DPP10: variants seen among roughly 807,000 people sequenced by gnomAD.
The protein encoded by DPP10 is inactive dipeptidyl peptidase 10.
Under a neutral mutation model 120.9 loss-of-function variants are expected in DPP10, and 33 were observed. The ratio of observed to expected loss-of-function variants is 0.27; its 90% CI spans 0.21 to 0.37. DPP10 has a LOEUF of 0.37. Among genes scored for constraint, DPP10 ranks in the 10% least tolerant of loss-of-function variants. The pLI is 1.00. For synonymous variants in DPP10, 337 were observed against 326.1 expected (o/e 1.03, Z -0.36); for missense variants, 816 against 942.8 (o/e 0.87, Z 1.76).
chr2:114,742,328 A>G (rs568151488), intron 1 of DPP10, among the ~76,000 whole-genome samples: 2 of 152,324 alleles, frequency 1.3e-5, no homozygotes, highest in East Asian at 3.9e-4. Flanking sequence ...AAAAGGAAAA[A>G]GAAAAGGAGA....
At chr2:115,437,345 G>T (rs536006412) in intron 3 of DPP10, among the ~76,000 whole-genome samples, 8 of 152,088 alleles carry the variant, frequency 5.3e-5, no homozygotes, top group Non-Finnish European at 8.8e-5. Context: ...AAATATATTT[G>T]CCTATTTCTA....
chr2:115,573,581 C>CTT (rs767336910), intron 5 of DPP10, among the ~76,000 whole-genome samples: 1,313 of 70,302 alleles, frequency 0.019, 23 homozygotes, highest in Non-Finnish European at 0.024. Context: ...TGCGCCCGGC[C>CTT]TTTTTTTTTT....
chr2:115,687,346 T>C lies in DPP10; in HGVS notation c.442-2341T>C, dbSNP rs370123785. On this transcript the variant is annotated intron_variant, in intron 5 of 25. Transcript: ENST00000410059. ...TTATTGAAAGTTAAAAAACAGGAAGTATTTGAGATCTGCTGGGAACACACA... is the reference window on the plus strand; with the variant it reads ...TTATTGAAAGTTAAAAAACAGGAAGCATTTGAGATCTGCTGGGAACACACA... Among the ~76,000 whole-genome samples the C allele has an allele frequency of 7.2e-5, 11 of 152,184 alleles. No individual in the cohort carries two copies. In the East Asian group the frequency reaches 1.2e-3, roughly 16 times the overall value.
intron 1 of DPP10, among the ~76,000 whole-genome samples, chr2:114,545,942 T>C (rs1687358480): frequency 6.6e-6 from 1 of 152,230 alleles, no homozygotes; most frequent in Non-Finnish European, 1.5e-5. Flanking sequence ...GTGCCTTGAA[T>C]TGTGTATGAA....
At chr2:114,449,671 C>A (rs976259261) in intron 1 of DPP10, among the ~76,000 whole-genome samples, 6 of 151,930 alleles carry the variant, frequency 3.9e-5, no homozygotes, top group Non-Finnish European at 8.8e-5. Context: ...ATTTCTCCCC[C>A]ACTAACAGAA....
rs535879747 is a variant in DPP10, at chr2:115,343,832, C to T, written c.191C>T (p.Ser64Leu). The change falls in exon 3 of 26, where the codon TCG (serine) becomes TTG (leucine). Residue 64 changes from serine (S) to leucine (L), a missense_variant. Physicochemically the swap from Ser to Leu is moderately radical, Grantham distance 145. Transcript: ENST00000410059. ...ILLTPDELTN[S>L]SETRLSLEDL... Reference sequence around the variant, plus strand: ...TTTATTTTAGATGAACTCACAAATTCGTCAGAAACCAGATTGTCTTTGGAA... The same window carrying T: ...TTTATTTTAGATGAACTCACAAATTTGTCAGAAACCAGATTGTCTTTGGAA... 122 of 1,610,436 alleles carry T rather than the reference C, an allele frequency of 7.6e-5. No individual in the cohort carries two copies. The South Asian group carries it at 1.0e-3, about 13-fold the overall frequency.
At chr2:114,554,510 A>G (rs2104895365) in intron 1 of DPP10, among the ~76,000 whole-genome samples, 1 of 152,312 alleles carries the variant, frequency 6.6e-6, no homozygotes. Context: ...ATTACCTTAA[A>G]CAGTCCGCGT....
rs564361264 is a variant in DPP10 at position 115,380,078 on chromosome 2, C to A, written c.271+36166C>A. Reference sequence around the variant, plus strand: ...AGATGTCTATTAGGTCCACTTGGTGCAGAGTTGAGTTCAATTCCTTGGTAT... The same window carrying A: ...AGATGTCTATTAGGTCCACTTGGTGAAGAGTTGAGTTCAATTCCTTGGTAT... On this transcript the variant is annotated intron_variant, in intron 3 of 25. Transcript: ENST00000410059. Among the ~76,000 whole-genome samples, 14 of 152,224 alleles carry A rather than the reference C, an allele frequency of 9.2e-5. No individual in the cohort carries two copies. In the South Asian group the frequency reaches 2.7e-3, roughly 29 times the overall value.
intron 3 of DPP10, among the ~76,000 whole-genome samples, chr2:115,458,728 G>C (rs2073782466): frequency 6.6e-6 from 1 of 152,114 alleles, no homozygotes; most frequent in African/African-American, 2.4e-5. Flanking sequence ...CTCTGATATA[G>C]AGGACTAGAA....
intron 3 of DPP10, among the ~76,000 whole-genome samples, chr2:115,376,439 T>A: frequency 6.6e-6 from 1 of 152,068 alleles, no homozygotes; most frequent in African/African-American, 2.4e-5. Context: ...GATAATCTTT[T>A]TTTTTCCCTT....
rs376567097 is a variant in DPP10, at chr2:114,906,503, A to T, written c.61-402736A>T. On this transcript the variant is annotated intron_variant, in intron 1 of 25. Coordinates refer to ENST00000410059, the MANE Select transcript of DPP10 (RefSeq NM_020868.6). ...AACGTGATGTTAGTTTACATTTTTC[A>T]CAGACACCTTTTATTAGTTTGAGTA... Among the ~76,000 whole-genome samples the T allele has an allele frequency of 1.1e-4, 16 of 152,222 alleles. No individual in the cohort carries two copies. The East Asian group carries it at 2.3e-3, about 22-fold the overall frequency.
intron 7 of DPP10, among the ~76,000 whole-genome samples, chr2:115,702,277 G>A (rs116268757): frequency 0.012 from 1,823 of 152,014 alleles, 29 homozygotes; most frequent in African/African-American, 0.039. Context: ...CAGCCTCTTT[G>A]GAAAACAGTC....
intron 3 of DPP10, among the ~76,000 whole-genome samples, chr2:115,361,116 GC>G (rs928178348): frequency 1.3e-5 from 2 of 152,002 alleles, no homozygotes; most frequent in African/African-American, 4.8e-5. Flanking sequence ...TGGCAGATAG[GC>G]CACACCCTTC....
At chr2:114,778,704 T>G (rs1002928687) in intron 1 of DPP10, among the ~76,000 whole-genome samples, 1 of 152,058 alleles carries the variant, frequency 6.6e-6, no homozygotes, top group African/African-American at 2.4e-5. Context: ...ACCACTTCCA[T>G]GAAAAATCCT....
intron 1 of DPP10, among the ~76,000 whole-genome samples, chr2:115,294,521 T>TG (rs1452787495): frequency 6.6e-6 from 1 of 152,144 alleles, no homozygotes; most frequent in South Asian, 2.1e-4. Context: ...TTTTGCTTTT[T>TG]GGGGGGAAGG....
Position 115,380,450 on chromosome 2 carries a change from G to A in DPP10, c.271+36538G>A, listed in dbSNP as rs564502511. ...TGGTTTTGAGCCTATGTGTGTCTCT[G>A]CATGTGAGATGGGTTTCCTGAATAC... On this transcript the variant is annotated intron_variant, in intron 3 of 25. Transcript: ENST00000410059. Among the ~76,000 whole-genome samples the A allele has an allele frequency of 8.5e-5, 13 of 152,232 alleles. No individual in the cohort carries two copies. In the South Asian group the frequency reaches 2.7e-3, roughly 32 times the overall value.
chr2:115,523,450 C>CTTAT (rs970544318), intron 4 of DPP10, among the ~76,000 whole-genome samples: 3 of 143,036 alleles, frequency 2.1e-5, no homozygotes, highest in African/African-American at 7.8e-5. Context: ...TAATGTAAGG[C>CTTAT]TTATGAAAAG....
At position 114,710,255 on chromosome 2, in the gene DPP10, G is replaced by C. The variant is rs7563371; in HGVS notation, c.60+267417G>C. Among the ~76,000 whole-genome samples the C allele has an allele frequency of 9.7e-3, 1,485 of 152,322 alleles. 19 individuals carry two copies. Among genetic ancestry groups the C allele is most frequent in the African/African-American group, 0.034 (1,421 of 41,562 alleles). On this transcript the variant is annotated intron_variant, in intron 1 of 25. Coordinates refer to ENST00000410059, the MANE Select transcript of DPP10 (RefSeq NM_020868.6). ...TCTTACATGCCACAAAGGCGGATTT[G>C]AGTAGTTGCAATAGAGACAATGAAC...
At chr2:114,866,617 T>G (rs1327445235) in intron 1 of DPP10, among the ~76,000 whole-genome samples, 1 of 152,168 alleles carries the variant, frequency 6.6e-6, no homozygotes, top group Non-Finnish European at 1.5e-5. Flanking sequence ...GCAGCTGAGG[T>G]TTAGAGATGT....
Sources: gnomAD v4.1 joint callset for allele counts (sites outside exome capture counted in the v4.1 genomes callset) on GRCh38, gnomAD v4.1.1 for gene constraint, MANE v1.5 for transcripts, NCBI Gene and HGNC (gene_info 2026-07-23, HGNC 2026-07-21) for gene names.